The following EFHC2 variants were observed in gnomAD, a reference collection of about 807,000 sequenced individuals.
EFHC2 encodes EF-hand domain-containing family member C2.
Under a neutral mutation model 52.7 loss-of-function variants are expected in EFHC2, and 18 were observed. The observed-to-expected ratio is 0.34, with a 90% CI of 0.24 to 0.51. The LOEUF (loss-of-function observed/expected upper bound fraction) is 0.51, where lower values mean the gene tolerates loss of function less well. Ranked by LOEUF, EFHC2 falls within the 20% of genes least tolerant of loss-of-function variation. EFHC2 has a pLI of 0.97. For missense variants in EFHC2, 513 were observed against 562.5 expected (o/e 0.91, Z 0.89); for synonymous variants, 203 against 204.1 (o/e 0.99, Z 0.04).
chrX:44,289,677 CT>C (rs1207899077), intron 2 of EFHC2, among the ~76,000 whole-genome samples: 2,835 of 72,189 alleles, frequency 0.039, 54 homozygotes, highest in African/African-American at 0.13. Context: ...TCTTTTCTTT[CT>C]TTTTTTTTTT....
Position 44,229,792 on chromosome X carries a change from A to G in EFHC2, c.1621-13T>C. ...TACTGAAAGGATACTGTAAGGGGGA[A>G]ATGAAAGGAAAAACATATTTAAATA... is the stretch of plus-strand genomic sequence containing the variant. On this transcript the variant is annotated splice_polypyrimidine_tract_variant and intron_variant, in intron 10 of 14. Coordinates refer to ENST00000420999, the MANE Select transcript of EFHC2 (RefSeq NM_025184.4). 8.3e-7 allele frequency: 1 copy of G among 1,198,515 alleles called. No homozygotes were observed. The highest frequency in any genetic ancestry group is 1.1e-6 in the Non-Finnish European group (1 of 889,092).
intron 14 of EFHC2, among the ~76,000 whole-genome samples, chrX:44,152,907 C>T (rs186746905): frequency 1.4e-4 from 16 of 111,754 alleles, no homozygotes; most frequent in Non-Finnish European, 2.6e-4. Flanking sequence ...AGAAACAGTA[C>T]AAATATATGC....
At chrX:44,320,350 G>A (rs1284380868) in intron 1 of EFHC2, among the ~76,000 whole-genome samples, 1 of 111,971 alleles carries the variant, frequency 8.9e-6, no homozygotes, top group African/African-American at 3.2e-5. Context: ...CATCCACAGT[G>A]TTCAGGAGCC....
In EFHC2 at chrX:44,178,129, T is replaced by TAACACACACACACA. The variant is rs1556000435; in HGVS notation, c.1949+237_1949+238insTGTGTGTGTGTGTT. On this transcript the variant is annotated intron_variant, in intron 12 of 14. Coordinates refer to ENST00000420999, the MANE Select transcript of EFHC2 (RefSeq NM_025184.4). Reference sequence around the variant, plus strand: ...CTGGGCGACAGGGCCAGATGCCATATCACACACACACACACACACACACAC... The same window carrying TAACACACACACACA: ...CTGGGCGACAGGGCCAGATGCCATATAACACACACACACACACACACACACACACACACACACAC... Among the ~76,000 whole-genome samples, 617 of 83,950 alleles carry TAACACACACACACA rather than the reference T, an allele frequency of 7.3e-3. 6 individuals are homozygous for TAACACACACACACA. The highest frequency in any genetic ancestry group is 0.028 in the African/African-American group (599 of 21,406). The allele number at this position is 83,950 out of a possible 115,157, so 72.9% of individuals were successfully genotyped here. A position where few individuals can be genotyped will look rare whatever the true frequency, so the allele number is the denominator to read the frequency against.
chrX:44,260,936 C>T, intron 4 of EFHC2, 139 bp downstream of exon 4: 1 of 531,855 alleles, frequency 1.9e-6, no homozygotes, highest in Admixed American at 3.9e-5. Flanking sequence ...TCCCTCTAGC[C>T]CAAAGAAGAA....
At position 44,269,950 on chromosome X, in the gene EFHC2, C is replaced by A. The variant is rs143948634; in HGVS notation, c.382+2736G>T. ...CTCACTCTCTGTATTTAATCACTGG[C>A]CAATGCATATCAACTCTGCCAACCA... On this transcript the variant is annotated intron_variant, in intron 3 of 14. Coordinates refer to ENST00000420999, the MANE Select transcript of EFHC2 (RefSeq NM_025184.4). Among the ~76,000 whole-genome samples the A allele has an allele frequency of 1.6e-4, 18 of 111,461 alleles. No individual in the cohort carries two copies. The East Asian group carries it at 5.1e-3, about 31-fold the overall frequency.
intron 4 of EFHC2, among the ~76,000 whole-genome samples, chrX:44,251,622 A>G (rs1454953183): frequency 2.4e-4 from 17 of 70,353 alleles, no homozygotes; most frequent in African/African-American, 6.8e-4. Flanking sequence ...AAAAAAAAAA[A>G]AAAAAAAAAA....
chrX:44,328,351 C>G (rs558674219), intron 1 of EFHC2, among the ~76,000 whole-genome samples: 1 of 111,720 alleles, frequency 9.0e-6, no homozygotes, highest in Non-Finnish European at 1.9e-5. Context: ...CAGCAGCCAT[C>G]TTGGGATAAT....
At chrX:44,158,604 T>A (rs1018827994) in intron 14 of EFHC2, among the ~76,000 whole-genome samples, 3 of 111,061 alleles carry the variant, frequency 2.7e-5, no homozygotes, top group Admixed American at 9.6e-5. Context: ...TACATGTGAC[T>A]GGCTGGCTAT....
intron 11 of EFHC2, among the ~76,000 whole-genome samples, chrX:44,191,203 T>G (rs921384510): frequency 9.0e-6 from 1 of 111,485 alleles, no homozygotes; most frequent in Non-Finnish European, 1.9e-5. Context: ...ACTCACTGAT[T>G]CACCAAAATT....
intron 11 of EFHC2, among the ~76,000 whole-genome samples, chrX:44,216,492 T>A (rs779349072): frequency 1.8e-5 from 2 of 111,721 alleles, no homozygotes; most frequent in Admixed American, 1.9e-4. Flanking sequence ...ATGCACAACC[T>A]GCATCTTTTC....
At chrX:44,341,175 C>T (rs1011527112) in intron 1 of EFHC2, among the ~76,000 whole-genome samples, 1 of 111,741 alleles carries the variant, frequency 8.9e-6, no homozygotes, top group African/African-American at 3.3e-5. Context: ...CCAAACATTT[C>T]CATTGATAAA....
intron 3 of EFHC2, among the ~76,000 whole-genome samples, chrX:44,262,993 T>C (rs1169382867): frequency 8.9e-6 from 1 of 112,375 alleles, no homozygotes; most frequent in African/African-American, 3.2e-5. Context: ...TATTTTTGTC[T>C]TCCACAGCTA....
chrX:44,181,899 G>T (rs1397428118), intron 11 of EFHC2, among the ~76,000 whole-genome samples: 1 of 112,671 alleles, frequency 8.9e-6, no homozygotes, highest in East Asian at 2.8e-4. Flanking sequence ...GATTCACAAA[G>T]AATTAAAAAT....
At chrX:44,313,273 A>T (rs2037961280) in intron 1 of EFHC2, among the ~76,000 whole-genome samples, 1 of 112,016 alleles carries the variant, frequency 8.9e-6, no homozygotes, top group Non-Finnish European at 1.9e-5. Flanking sequence ...ATTCTCCTTT[A>T]ATTGAAAAAC....
chrX:44,254,955 T>G (rs1051203937), intron 4 of EFHC2, among the ~76,000 whole-genome samples: 5 of 110,883 alleles, frequency 4.5e-5, no homozygotes, highest in Non-Finnish European at 9.5e-5. Flanking sequence ...CACAAGAGAG[T>G]GGGGGCCAAT....
At chrX:44,316,036 C>T (rs1027061298) in intron 1 of EFHC2, among the ~76,000 whole-genome samples, 12 of 111,165 alleles carry the variant, frequency 1.1e-4, no homozygotes, top group Admixed American at 9.5e-5. Context: ...CCTTCCTTCC[C>T]CTGAGGAGCT....
intron 3 of EFHC2, among the ~76,000 whole-genome samples, chrX:44,266,612 G>A (rs2037580073): frequency 9.0e-6 from 1 of 111,014 alleles, no homozygotes; most frequent in African/African-American, 3.3e-5. Flanking sequence ...TGGGATTACA[G>A]GTGTAAGCCA....
At chrX:44,237,984 C>G (rs1024959790) in intron 8 of EFHC2, among the ~76,000 whole-genome samples, 9 of 111,641 alleles carry the variant, frequency 8.1e-5, no homozygotes, top group African/African-American at 2.6e-4. Flanking sequence ...ATGCTGATGG[C>G]ATCCACATTC....
Sources: allele counts gnomAD v4.1 joint callset (sites outside exome capture counted in the v4.1 genomes callset), GRCh38; gene constraint gnomAD v4.1.1; transcripts MANE v1.5; gene names NCBI Gene and HGNC (gene_info 2026-07-23, HGNC 2026-07-21).